ATP1B1: variants seen among roughly 807,000 people sequenced by gnomAD.
The protein encoded by ATP1B1 is sodium/potassium-transporting ATPase subunit beta-1.
ATP1B1 carries 3 observed loss-of-function variants against 39.6 expected under a neutral mutation model. That is an observed-to-expected ratio of 0.08 (90% confidence interval 0.03 to 0.20). The LOEUF (loss-of-function observed/expected upper bound fraction) is 0.20. ATP1B1 is among the 10% of genes least tolerant of loss of function. ATP1B1 has a pLI of 1.00. For missense variants in ATP1B1, 216 were observed against 371.1 expected (o/e 0.58, Z 3.43); for synonymous variants, 139 against 135.0 (o/e 1.03, Z -0.20).
chr1:169,131,546 T>G lies in ATP1B1; in HGVS notation c.903T>G (p.Val301=). The G allele has an allele frequency of 6.2e-7, 1 of 1,611,768 alleles. No individual in the cohort carries two copies. Among genetic ancestry groups the G allele is most frequent in the Non-Finnish European group, 8.5e-7 (1 of 1,178,512 alleles). ...GACGTTTTGATGTAAAAATTGAAGT[T>G]AAGAGCTGATCACAAGCACAAATCT... ...FQGRFDVKIE[V]KS The change falls in exon 6 of 6, where the codon GTT becomes GTG. Residue 301 remains valine, a synonymous_variant. Coordinates refer to ENST00000367815, the MANE Select transcript of ATP1B1 (RefSeq NM_001677.4). This position sits in a 1 kb window ranked among gnomAD's most constrained non-coding sequence, Gnocchi z 4.4.
intron 2 of ATP1B1, among the ~76,000 whole-genome samples, chr1:169,115,376 T>A (rs1571221419): frequency 7.0e-6 from 1 of 142,558 alleles, no homozygotes; most frequent in African/African-American, 2.6e-5. Context: ...CAAGAGGGAG[T>A]CTTCTTCTGT....
intron 2 of ATP1B1, among the ~76,000 whole-genome samples, chr1:169,116,455 A>G (rs1657849208): frequency 6.6e-6 from 1 of 152,210 alleles, no homozygotes; most frequent in African/African-American, 2.4e-5. Context: ...GGTAATCAGA[A>G]TCGGGCAGGA....
intron 2 of ATP1B1, among the ~76,000 whole-genome samples, chr1:169,116,222 C>G (rs751965107): frequency 4.6e-5 from 7 of 152,226 alleles, no homozygotes; most frequent in Non-Finnish European, 8.8e-5. Flanking sequence ...TGCCCTTCCC[C>G]CACCTCAGGC....
At chr1:169,107,069 G>C in intron 1 of ATP1B1, 143 bp downstream of exon 1, 1 of 737,998 alleles carries the variant, frequency 1.4e-6, no homozygotes. Flanking sequence ...CTGCTGGGTC[G>C]CGCCGGCCTG....
At chr1:169,125,176 C>CT (rs1002133333) in intron 3 of ATP1B1, 137 bp downstream of exon 3, 31 of 1,168,756 alleles carry the variant, frequency 2.7e-5, no homozygotes, top group African/African-American at 1.7e-4. Flanking sequence ...TATTTAGACA[C>CT]TTTTTTTAAA....
At chr1:169,124,523 C>T (rs1658048982) in intron 2 of ATP1B1, among the ~76,000 whole-genome samples, 2 of 152,192 alleles carry the variant, frequency 1.3e-5, no homozygotes, top group Admixed American at 6.5e-5. Context: ...GTACTAGAAA[C>T]ATAATGGGCT....
rs141812161 is a variant in ATP1B1 at position 169,127,239 on chromosome 1, C to T, written c.398C>T (p.Pro133Leu). 49 of 1,576,898 alleles carry T rather than the reference C, an allele frequency of 3.1e-5. No homozygotes were observed. Among genetic ancestry groups the T allele is most frequent in the Admixed American group, 1.0e-4 (5 of 49,598 alleles). Residue 133 changes from proline (P) to leucine (L), a missense_variant, in exon 4 of 6, where the codon CCG becomes CTG. Coordinates refer to ENST00000367815, the MANE Select transcript of ATP1B1 (RefSeq NM_001677.4). ...TTATTTTTAGATGTGCCCAGTGAAC[C>T]GAAAGAACGAGGAGACTTTAATCAT... is the stretch of plus-strand genomic sequence containing the variant. ...FEDCGDVPSE[P>L]KERGDFNHER...
chr1:169,132,698 G>A lies in ATP1B1; in HGVS notation c.*1143G>A, dbSNP rs545011906. 56 of 1,273,780 alleles carry A rather than the reference G, an allele frequency of 4.4e-5. No homozygotes were observed. The African/African-American group carries it at 6.5e-4, about 15-fold the overall frequency. The allele number at this position is 1,273,780 out of a possible 1,614,324, so 78.9% of individuals were successfully genotyped here. On this transcript the variant is annotated 3_prime_UTR_variant, in exon 6 of 6. Transcript: ENST00000367815. ...TTGTATTCAGTCAGGTTAAAACAAC[G>A]GACAATAAAAGAATGAACACATTCC...
At chr1:169,108,672 C>T (rs1369091648) in intron 1 of ATP1B1, among the ~76,000 whole-genome samples, 1 of 152,014 alleles carries the variant, frequency 6.6e-6, no homozygotes, top group Non-Finnish European at 1.5e-5. Context: ...ATTTTTAAGC[C>T]GACATTTAAT....
chr1:169,125,316 G>A (rs1210413572), intron 3 of ATP1B1, among the ~76,000 whole-genome samples: 1 of 146,422 alleles, frequency 6.8e-6, no homozygotes, highest in African/African-American at 2.5e-5. Flanking sequence ...CAGCAATTCC[G>A]GTTTTCTTTC....
intron 1 of ATP1B1, among the ~76,000 whole-genome samples, chr1:169,109,988 G>A (rs1489587751): frequency 6.6e-6 from 1 of 152,080 alleles, no homozygotes; most frequent in African/African-American, 2.4e-5. Flanking sequence ...GTTGGGTGCT[G>A]TAGTTCTGGA....
At position 169,131,321 on chromosome 1, in the gene ATP1B1, T is replaced by C. The variant is rs1658214919; in HGVS notation, c.678T>C (p.Asn226=). The change falls in exon 6 of 6, where the codon AAT becomes AAC. Residue 226 remains asparagine, a synonymous_variant. Coordinates refer to ENST00000367815, the MANE Select transcript of ATP1B1 (RefSeq NM_001677.4). The surrounding 1 kb of genome is among the most constrained non-coding windows in gnomAD (Gnocchi z 4.4). ...ATGAAGATAAGGATAAAGTTGGAAA[T>C]GTGGAGTATTTTGGACTGGGCAACT... ...KRDEDKDKVG[N]VEYFGLGNSP... 6.2e-7 allele frequency: 1 copy of C among 1,613,838 alleles called. No individual in the cohort carries two copies. The highest frequency in any genetic ancestry group is 1.3e-5 in the African/African-American group (1 of 75,028).
At position 169,131,709 on chromosome 1, in the gene ATP1B1, TG is replaced by T; in HGVS notation, c.*155del. 1.1e-6 allele frequency: 1 copy of T among 890,388 alleles called. No individual in the cohort carries two copies. The highest frequency in any genetic ancestry group is 1.6e-6 in the Non-Finnish European group (1 of 612,254). The allele number at this position is 890,388 out of a possible 1,614,324, so 55.2% of individuals were successfully genotyped here. On this transcript the variant is annotated 3_prime_UTR_variant, in exon 6 of 6. Transcript: ENST00000367815. This position sits in a 1 kb window ranked among gnomAD's most constrained non-coding sequence, Gnocchi z 4.4. ...GCTTTCTGCATTTAATAGGTTAGAATGTAAATTAAAGTGTAGCAATAGCAAC... is the reference window on the plus strand; with the variant it reads ...GCTTTCTGCATTTAATAGGTTAGAATTAAATTAAAGTGTAGCAATAGCAAC...
At chr1:169,113,618 A>G (rs191525172) in intron 2 of ATP1B1, among the ~76,000 whole-genome samples, 118 of 152,304 alleles carry the variant, frequency 7.7e-4, no homozygotes, top group African/African-American at 2.2e-3. Flanking sequence ...CTGTAAATCA[A>G]CTGGCTGAAG....
rs1398789290 is a variant in ATP1B1 at position 169,115,458 on chromosome 1, C to A, written c.226+3960C>A. Among the ~76,000 whole-genome samples, 6 of 151,060 alleles carry A rather than the reference C, an allele frequency of 4.0e-5. No individual in the cohort carries two copies. In the East Asian group the frequency reaches 1.2e-3, roughly 30 times the overall value. On this transcript the variant is annotated intron_variant, in intron 2 of 5. Coordinates refer to ENST00000367815, the MANE Select transcript of ATP1B1 (RefSeq NM_001677.4). Reference sequence around the variant, plus strand: ...CTGCCCCCTGGGTTCAAGCGATTCTCCTGCCTCAGCCTCCCGAGTAGCTGG... The same window carrying A: ...CTGCCCCCTGGGTTCAAGCGATTCTACTGCCTCAGCCTCCCGAGTAGCTGG...
In ATP1B1 at chr1:169,132,034, T is replaced by TTG. The variant is rs1392093714; in HGVS notation, c.*480_*481insGT. On this transcript the variant is annotated 3_prime_UTR_variant, in exon 6 of 6. Transcript: ENST00000367815. ...TGGCATGGTAATTTTTTTTTTTTTT[T>TTG]TTTTTTTGTTTTTTGGCTCTTTCAA... is the stretch of plus-strand genomic sequence containing the variant. 69 of 236,472 alleles carry TTG rather than the reference T, an allele frequency of 2.9e-4. No individual in the cohort carries two copies. Among genetic ancestry groups the TTG allele is most frequent in the African/African-American group, 1.6e-3 (62 of 39,586 alleles). The allele number at this position is 236,472 out of a possible 1,614,324, so 14.6% of individuals were successfully genotyped here. A position where few individuals can be genotyped will look rare whatever the true frequency, so the allele number is the denominator to read the frequency against.
chr1:169,108,207 A>G (rs1657646363), intron 1 of ATP1B1: 1 of 152,222 alleles, frequency 6.6e-6, no homozygotes, highest in African/African-American at 2.4e-5. Context: ...ACTGGGAAGC[A>G]TAGGTATCCC....
chr1:169,128,632 A>G (rs1314080820), intron 4 of ATP1B1, among the ~76,000 whole-genome samples: 1 of 152,206 alleles, frequency 6.6e-6, no homozygotes, highest in African/African-American at 2.4e-5. Context: ...AATGTATTTG[A>G]TATTCATATT....
At chr1:169,121,533 T>G (rs1657980804) in intron 2 of ATP1B1, among the ~76,000 whole-genome samples, 1 of 152,166 alleles carries the variant, frequency 6.6e-6, no homozygotes, top group African/African-American at 2.4e-5. Context: ...CTCCTTTTTT[T>G]TGTGTGGGAG....
Sources: allele counts gnomAD v4.1 joint callset (sites outside exome capture counted in the v4.1 genomes callset), GRCh38; gene constraint gnomAD v4.1.1; non-coding constraint Gnocchi (gnomAD v3.1); transcripts MANE v1.5; gene names NCBI Gene and HGNC (gene_info 2026-07-23, HGNC 2026-07-21).